C5orf58: variants seen among roughly 807,000 people sequenced by gnomAD.
C5orf58 encodes putative uncharacterized protein C5orf58.
A neutral mutation model predicts 2.9 loss-of-function variants in C5orf58; 2 were observed. The ratio of observed to expected loss-of-function variants is 0.69; its 90% confidence interval spans 0.28 to 2.18. The LOEUF is 2.18. Among genes scored for constraint, C5orf58 ranks in the 30% most tolerant of loss-of-function variants. The pLI is 0.13. For synonymous variants in C5orf58, 37 were observed against 33.4 expected, an observed-to-expected ratio of 1.11 and a Z score of -0.37; for missense variants, 96 against 91.7, an observed-to-expected ratio of 1.05 and a Z score of -0.19.
At chr5:170,239,702 C>G (rs1170698723) in intron 3 of C5orf58, among the ~76,000 whole-genome samples, 5 of 151,848 alleles carry the variant, frequency 3.3e-5, no homozygotes, top group Non-Finnish European at 7.4e-5. Context: ...AGTGATATAG[C>G]CGAGAAGTTG....
intron 3 of C5orf58, among the ~76,000 whole-genome samples, chr5:170,244,589 C>T (rs1471350809): frequency 2.0e-5 from 3 of 152,182 alleles, no homozygotes; most frequent in Non-Finnish European, 2.9e-5. Flanking sequence ...GAGACTTCTG[C>T]ATTCTTCACG....
intron 3 of C5orf58, 32 bp from the exon 4 acceptor site, chr5:170,245,928 TAC>T: frequency 6.3e-7 from 1 of 1,586,784 alleles, no homozygotes. Flanking sequence ...ACATATGTGC[TAC>T]AATATAATAT....
At chr5:170,251,806 A>C in exon 3 of C5orf58, 1 of 332,678 alleles carries the variant, frequency 3.0e-6, no homozygotes, top group South Asian at 2.2e-5. Flanking sequence ...GAGACCCAGG[A>C]ATCGGGATTT....
downstream of C5orf58, chr5:170,252,491 C>T (rs1276499137): frequency 6.4e-7 from 1 of 1,567,714 alleles, no homozygotes. Context: ...AAGAAACGTA[C>T]CACTCTTCAT....
chr5:170,237,368 AG>A (rs1312958382), intron 3 of C5orf58: 1 of 398,276 alleles, frequency 2.5e-6, no homozygotes, highest in Non-Finnish European at 4.4e-6. Context: ...CCTATGAGGT[AG>A]GAACTATTGC....
chr5:170,247,641 G>A (rs1761328264), downstream of C5orf58: 2 of 152,184 alleles, frequency 1.3e-5, no homozygotes. Context: ...GTAAACTGGA[G>A]GAAAGAGTTT....
Position 170,246,051 on chromosome 5 carries a change from C to A in C5orf58, c.184C>A (p.Pro62Thr). 1 of 1,613,496 alleles carries A rather than the reference C, an allele frequency of 6.2e-7. No homozygotes were observed. The highest frequency in any genetic ancestry group is 1.1e-5 in the South Asian group (1 of 91,066). The change falls in exon 4 of 4, where the codon CCC (proline) becomes ACC (threonine). Residue 62 changes from proline (P) to threonine (T), a missense_variant. Coordinates refer to ENST00000593851, the MANE Select transcript of C5orf58 (RefSeq NM_001102609.3). ...ENLAEAERNNPLFEESKISDV... is the reference protein window; with the variant it reads ...ENLAEAERNNTLFEESKISDV... ...CTTAGCAGAAGCAGAAAGAAACAAC[C>A]CCCTCTTTGAAGAGTCTAAAATATC...
intron 3 of C5orf58, among the ~76,000 whole-genome samples, chr5:170,241,011 A>G (rs1760981768): frequency 6.8e-6 from 1 of 147,400 alleles, no homozygotes; most frequent in South Asian, 2.2e-4. Flanking sequence ...CAGTTTTCCC[A>G]GCACCATTTA....
chr5:170,252,293 C>G (rs1161690930), downstream of C5orf58: 1 of 468,892 alleles, frequency 2.1e-6, no homozygotes, highest in African/African-American at 2.0e-5. Flanking sequence ...GTGAAGCTGG[C>G]ACTAATGGGT....
At chr5:170,247,014 G>C (rs1462173106), downstream of C5orf58, 1 of 152,220 alleles carries the variant, frequency 6.6e-6, no homozygotes, top group African/African-American at 2.4e-5. Flanking sequence ...CTACCAAATA[G>C]TTGCTTTGAA....
At chr5:170,251,276 C>T in intron 2 of C5orf58, 1 of 194,208 alleles carries the variant, frequency 5.1e-6, no homozygotes, top group Non-Finnish European at 1.1e-5. Context: ...GAGTTAATTC[C>T]CTAAACTTTC....
chr5:170,233,079 C>A, intron 1 of C5orf58, 72 bp downstream of exon 1: 1 of 705,666 alleles, frequency 1.4e-6, no homozygotes, highest in Non-Finnish European at 1.7e-6. Flanking sequence ...GCTGAAATTT[C>A]CAGGCTGCCC....
downstream of C5orf58, chr5:170,252,359 G>A: frequency 2.5e-6 from 2 of 795,526 alleles, no homozygotes; most frequent in South Asian, 1.6e-5. Flanking sequence ...CCTGTAATTG[G>A]TACTCAGGAC....
chr5:170,248,647 G>A (rs773327101), downstream of C5orf58: 92 of 1,604,608 alleles, frequency 5.7e-5, 2 homozygotes, highest in South Asian at 6.4e-4. Context: ...GATTGATCTC[G>A]TGTTGGCAAC....
At chr5:170,246,262 T>G (rs1427658058), downstream of C5orf58, 8 of 664,472 alleles carry the variant, frequency 1.2e-5, no homozygotes, top group East Asian at 2.3e-4. Context: ...TTTAATGTTT[T>G]GAAGAATGGC....
chr5:170,235,034 A>G lies in C5orf58; in HGVS notation c.58A>G (p.Ile20Val). Reference protein sequence around the residue: ...KLNVDKVIKNINTISSELKKI... With the variant: ...KLNVDKVIKNVNTISSELKKI... Reference sequence around the variant, plus strand: ...AAATGTGGACAAAGTAATTAAAAATATTAACACAATTTCTTCGGAGTTGAA... The same window carrying G: ...AAATGTGGACAAAGTAATTAAAAATGTTAACACAATTTCTTCGGAGTTGAA... Residue 20 changes from isoleucine (I) to valine (V), a missense_variant, in exon 3 of 4, where the codon ATT (isoleucine) becomes GTT (valine). Ile to Val is a conservative substitution (Grantham distance 29). Coordinates refer to ENST00000593851, the MANE Select transcript of C5orf58 (RefSeq NM_001102609.3). The G allele has an allele frequency of 1.3e-6, 2 of 1,535,258 alleles. No homozygotes were observed. Among genetic ancestry groups the G allele is most frequent in the Non-Finnish European group, 1.8e-6 (2 of 1,118,906 alleles).
rs75933418 is a variant in C5orf58, at chr5:170,235,877, C to T, written c.94+807C>T. Among the ~76,000 whole-genome samples, 1,521 of 152,178 alleles carry T rather than the reference C, an allele frequency of 1.0e-2. 31 individuals carry two copies. The highest frequency in any genetic ancestry group is 0.035 in the African/African-American group (1,464 of 41,518). ...ATACAATAAGGAAAAACAAGAAGAT[C>T]CAAGGTAGCAGAGCCCTAAAGTTAA... On this transcript the variant is annotated intron_variant, in intron 3 of 3. Coordinates refer to ENST00000593851, the MANE Select transcript of C5orf58 (RefSeq NM_001102609.3).
downstream of C5orf58, chr5:170,252,462 G>T: frequency 6.3e-7 from 1 of 1,588,326 alleles, no homozygotes. Context: ...AGCAGCTTCT[G>T]CCTCTGGTCG....
chr5:170,249,094 G>A (rs184173971), downstream of C5orf58, among the ~76,000 whole-genome samples: 1 of 152,258 alleles, frequency 6.6e-6, no homozygotes, highest in African/African-American at 2.4e-5. Flanking sequence ...GGCTAAGGCC[G>A]GTGGATCACC....
Sources: gnomAD v4.1 joint callset for allele counts (sites outside exome capture counted in the v4.1 genomes callset) on GRCh38, gnomAD v4.1.1 for gene constraint, MANE v1.5 for transcripts, NCBI Gene and HGNC (gene_info 2026-07-23, HGNC 2026-07-21) for gene names.